The following GALNT13 variants were observed in gnomAD, a reference collection of about 807,000 sequenced individuals.
The protein encoded by GALNT13 is UDP-GalNAc:polypeptide N-acetylgalactosaminyltransferase 13.
A neutral mutation model predicts 64.2 loss-of-function variants in GALNT13; 28 were observed. That is an observed-to-expected ratio of 0.44 (90% CI 0.32 to 0.60). The LOEUF (loss-of-function observed/expected upper bound fraction) is 0.60, where lower values mean the gene tolerates loss of function less well. Ranked by LOEUF, GALNT13 falls within the 20% of genes least tolerant of loss-of-function variation. The pLI, the probability that GALNT13 is intolerant of heterozygous loss-of-function variation, is 0.05. For synonymous variants in GALNT13, 214 were observed against 224.6 expected (o/e 0.95, Z 0.42); for missense variants, 577 against 669.8 (o/e 0.86, Z 1.53).
the GALNT13 span, among the ~76,000 whole-genome samples, chr2:153,616,118 A>G: frequency 6.6e-6 from 1 of 151,770 alleles, no homozygotes; most frequent in East Asian, 1.9e-4. Flanking sequence ...GTATATGGTG[A>G]GAGATAGGGG....
chr2:153,847,269 G>C, the GALNT13 span, among the ~76,000 whole-genome samples: 1 of 151,862 alleles, frequency 6.6e-6, no homozygotes, highest in African/African-American at 2.4e-5. Context: ...CGAGATTTGA[G>C]TAAGTAGACA....
At chr2:153,743,322 TA>T in the GALNT13 span, among the ~76,000 whole-genome samples, 3 of 152,148 alleles carry the variant, frequency 2.0e-5, no homozygotes, top group Non-Finnish European at 4.4e-5. Context: ...GTTGATTTGA[TA>T]ACTTGGTTGT....
At chr2:153,122,283 A>G in the GALNT13 span, among the ~76,000 whole-genome samples, 9 of 151,930 alleles carry the variant, frequency 5.9e-5, no homozygotes, top group African/African-American at 1.9e-4. Flanking sequence ...TAAATGAACA[A>G]ATGATGAAGA....
the GALNT13 span, among the ~76,000 whole-genome samples, chr2:153,856,505 T>C: frequency 6.6e-6 from 1 of 152,214 alleles, no homozygotes; most frequent in African/African-American, 2.4e-5. Context: ...ATTATCCAAA[T>C]GTTTCAATAA....
At chr2:153,877,958 A>G (rs1444685) in intron 1 of GALNT13, among the ~76,000 whole-genome samples, 1 of 151,942 alleles carries the variant, frequency 6.6e-6, no homozygotes, top group Admixed American at 6.6e-5. Context: ...TAAATGAGGC[A>G]TCACCTCAGA....
At chr2:154,326,175 G>T (rs1694865622) in intron 9 of GALNT13, among the ~76,000 whole-genome samples, 1 of 152,104 alleles carries the variant, frequency 6.6e-6, no homozygotes, top group Non-Finnish European at 1.5e-5. Flanking sequence ...AAAATTGCTT[G>T]TTCTCATTTT....
At chr2:154,159,366 C>T (rs1020823119) in intron 4 of GALNT13, among the ~76,000 whole-genome samples, 1 of 152,036 alleles carries the variant, frequency 6.6e-6, no homozygotes, top group Admixed American at 6.6e-5. Flanking sequence ...AACTCCTGAC[C>T]TCAAGTGATC....
At chr2:153,885,853 C>T (rs17585448) in intron 1 of GALNT13, among the ~76,000 whole-genome samples, 24,667 of 151,986 alleles carry the variant, frequency 0.16, 2,432 homozygotes, top group East Asian at 0.26. Flanking sequence ...TCCTAATTAA[C>T]GTGAGCATAT....
chr2:153,672,477 A>G, the GALNT13 span, among the ~76,000 whole-genome samples: 2 of 152,334 alleles, frequency 1.3e-5, no homozygotes, highest in South Asian at 4.1e-4. Context: ...AAATGAAGGC[A>G]GAAATAAAGA....
At chr2:153,719,504 G>T in the GALNT13 span, among the ~76,000 whole-genome samples, 1 of 152,186 alleles carries the variant, frequency 6.6e-6, no homozygotes, top group Middle Eastern at 3.2e-3. Flanking sequence ...CTCCCAGCTT[G>T]AGCGACGCAG....
At chr2:153,485,051 G>T in the GALNT13 span, among the ~76,000 whole-genome samples, 1 of 152,180 alleles carries the variant, frequency 6.6e-6, no homozygotes, top group Non-Finnish European at 1.5e-5. Flanking sequence ...CAGGGAAAAG[G>T]TGGTACCTTG....
At chr2:153,651,638 G>T in the GALNT13 span, among the ~76,000 whole-genome samples, 12 of 152,270 alleles carry the variant, frequency 7.9e-5, no homozygotes, top group East Asian at 9.6e-4. Context: ...TAGTTGGTTG[G>T]CATTGAAGCT....
Position 154,062,903 on chromosome 2 carries a change from A to C in GALNT13, c.143-77434A>C, listed in dbSNP as rs564935724. Among the ~76,000 whole-genome samples the C allele has an allele frequency of 2.6e-5, 4 of 151,330 alleles. No homozygotes were observed. In the East Asian group the frequency reaches 7.8e-4, roughly 30 times the overall value. Reference sequence around the variant, plus strand: ...TGTTTGTTTTAGGAGAGTTTTCATTAGGAGGAATTGCTTTCGTCATAATTT... The same window carrying C: ...TGTTTGTTTTAGGAGAGTTTTCATTCGGAGGAATTGCTTTCGTCATAATTT... On this transcript the variant is annotated intron_variant, in intron 3 of 12. Coordinates refer to ENST00000392825, the MANE Select transcript of GALNT13 (RefSeq NM_052917.4).
At chr2:154,389,758 G>A (rs1014638676) in intron 9 of GALNT13, among the ~76,000 whole-genome samples, 39 of 152,158 alleles carry the variant, frequency 2.6e-4, no homozygotes, top group African/African-American at 8.9e-4. Flanking sequence ...CAAGAGAGCA[G>A]TCTCAAATCC....
the GALNT13 span, among the ~76,000 whole-genome samples, chr2:153,115,345 C>A: frequency 6.6e-6 from 1 of 152,128 alleles, no homozygotes; most frequent in Non-Finnish European, 1.5e-5. Context: ...TGTTTATGAT[C>A]CCAAGTGCAA....
the GALNT13 span, among the ~76,000 whole-genome samples, chr2:153,656,331 TG>T: frequency 6.7e-6 from 1 of 149,600 alleles, no homozygotes; most frequent in Non-Finnish European, 1.5e-5. Context: ...TGTGTGTGTG[TG>T]TGTGTGTGCG....
At chr2:153,745,977 T>C in the GALNT13 span, among the ~76,000 whole-genome samples, 24 of 152,334 alleles carry the variant, frequency 1.6e-4, 1 homozygote, top group South Asian at 3.7e-3. Flanking sequence ...TTATGATACC[T>C]GGCCATAATA....
chr2:154,130,523 C>T (rs1300559875), intron 3 of GALNT13, among the ~76,000 whole-genome samples: 2 of 152,022 alleles, frequency 1.3e-5, no homozygotes, highest in Non-Finnish European at 2.9e-5. Context: ...ATTGATAATT[C>T]GTAATTGCAA....
At chr2:153,413,310 G>A in the GALNT13 span, among the ~76,000 whole-genome samples, 1 of 152,120 alleles carries the variant, frequency 6.6e-6, no homozygotes, top group Middle Eastern at 3.2e-3. Flanking sequence ...ACTGTGGAGT[G>A]GAGATGGTGG....
Sources: gnomAD v4.1 joint callset for allele counts (sites outside exome capture counted in the v4.1 genomes callset) on GRCh38, gnomAD v4.1.1 for gene constraint, MANE v1.5 for transcripts, NCBI Gene and HGNC (gene_info 2026-07-23, HGNC 2026-07-21) for gene names.